The following BICD1 variants were observed in gnomAD, a reference collection of about 807,000 sequenced individuals.
BICD1 encodes BICD cargo adaptor 1.
BICD1 carries 35 observed loss-of-function variants against 92.5 expected under a neutral mutation model. That is an observed-to-expected ratio of 0.38 (90% confidence interval 0.29 to 0.50). BICD1 has a LOEUF of 0.50. Ranked by LOEUF, BICD1 falls within the 20% of genes least tolerant of loss-of-function variation. The pLI, the probability that BICD1 is intolerant of heterozygous loss-of-function variation, is 0.93. For synonymous variants in BICD1, 429 were observed against 465.1 expected, an observed-to-expected ratio of 0.92 and a Z score of 1.00; for missense variants, 950 against 1,189.8, an observed-to-expected ratio of 0.80 and a Z score of 2.97.
At chr12:32,361,412 G>C (rs1011329050) in intron 8 of BICD1, among the ~76,000 whole-genome samples, 1 of 151,912 alleles carries the variant, frequency 6.6e-6, no homozygotes, top group Non-Finnish European at 1.5e-5. Context: ...AATTAGCCAG[G>C]CATGGCAGCA....
At chr12:32,117,735 C>CACATAT (rs1268394426) in intron 1 of BICD1, among the ~76,000 whole-genome samples, 6 of 134,518 alleles carry the variant, frequency 4.5e-5, no homozygotes, top group Non-Finnish European at 9.4e-5. Flanking sequence ...CACACACACA[C>CACATAT]ATATATATAT....
At chr12:32,150,715 T>C (rs922807616) in intron 1 of BICD1, among the ~76,000 whole-genome samples, 3 of 152,108 alleles carry the variant, frequency 2.0e-5, no homozygotes, top group Admixed American at 2.0e-4. Flanking sequence ...AGTGCAGACC[T>C]GCACAACCTG....
chr12:32,191,840 A>G (rs1944577976), intron 1 of BICD1, among the ~76,000 whole-genome samples: 1 of 151,934 alleles, frequency 6.6e-6, no homozygotes, highest in Non-Finnish European at 1.5e-5. Context: ...TCTGACTACT[A>G]CAGTGTGGGC....
chr12:32,275,718 T>C (rs1175462764), intron 2 of BICD1, among the ~76,000 whole-genome samples: 1 of 150,780 alleles, frequency 6.6e-6, no homozygotes, highest in Non-Finnish European at 1.5e-5. Flanking sequence ...TCCCTCCAGA[T>C]CCGGCAGGGT....
At chr12:32,259,909 T>C (rs567354379) in intron 2 of BICD1, among the ~76,000 whole-genome samples, 1 of 151,564 alleles carries the variant, frequency 6.6e-6, no homozygotes, top group Non-Finnish European at 1.5e-5. Flanking sequence ...TCAACACATA[T>C]ATATACACTA....
At chr12:32,308,148 G>T (rs1463360548) in intron 4 of BICD1, among the ~76,000 whole-genome samples, 1 of 152,244 alleles carries the variant, frequency 6.6e-6, no homozygotes, top group Non-Finnish European at 1.5e-5. Context: ...TGGAAAACAA[G>T]TAAGTACTCA....
chr12:32,276,447 A>G (rs1262232056), intron 2 of BICD1, among the ~76,000 whole-genome samples: 1 of 152,220 alleles, frequency 6.6e-6, no homozygotes, highest in Non-Finnish European at 1.5e-5. Context: ...GGGGCTTGCA[A>G]CTTAGCTCAC....
intron 8 of BICD1, chr12:32,340,418 G>C: frequency 3.0e-6 from 3 of 985,378 alleles, no homozygotes; most frequent in South Asian, 9.4e-5. Flanking sequence ...AAGTGGTAAT[G>C]ATTTATCAGG....
chr12:32,303,198 A>G (rs1380023975), intron 3 of BICD1, among the ~76,000 whole-genome samples: 1 of 151,906 alleles, frequency 6.6e-6, no homozygotes, highest in Non-Finnish European at 1.5e-5. Context: ...CAGGCCTGAG[A>G]TTACAGGTGC....
chr12:32,233,631 G>C (rs1170132584), intron 2 of BICD1, among the ~76,000 whole-genome samples: 1 of 138,400 alleles, frequency 7.2e-6, no homozygotes, highest in East Asian at 2.5e-4. Context: ...TAAGAATAAA[G>C]ATCTGTGCAC....
intron 1 of BICD1, among the ~76,000 whole-genome samples, chr12:32,173,511 G>C (rs1313269995): frequency 6.6e-6 from 1 of 152,136 alleles, no homozygotes; most frequent in Non-Finnish European, 1.5e-5. Context: ...CTATCTATGA[G>C]AGCTGTAGCT....
Position 32,338,849 on chromosome 12 carries a change from G to T in BICD1, c.2634G>T (p.Gln878His). 6.2e-7 allele frequency: 1 copy of T among 1,605,526 alleles called. No individual in the cohort carries two copies. The highest frequency in any genetic ancestry group is 8.5e-7 in the Non-Finnish European group (1 of 1,176,428). ...RPRTSGASYL[Q>H]NLLRVPPDPT... is the part of the protein sequence containing the mutation. ...GGACTTCAGGGGCTTCCTACCTACA[G>T]AATTTATTAAGAGTTCCCCCTGATC... Residue 878 changes from glutamine (Q) to histidine (H), a missense_variant, in exon 8 of 10, where the codon CAG (glutamine) becomes CAT (histidine). By Grantham distance (24) the Gln-to-His change is conservative (BLOSUM62 0). Coordinates refer to ENST00000652176, the MANE Select transcript of BICD1 (RefSeq NM_001714.4).
chr12:32,205,883 A>C (rs77742877), intron 1 of BICD1, among the ~76,000 whole-genome samples: 6,198 of 151,626 alleles, frequency 0.041, 181 homozygotes, highest in Non-Finnish European at 0.058. Context: ...CCCCAGTGCA[A>C]CCACTCATCT....
intron 2 of BICD1, among the ~76,000 whole-genome samples, chr12:32,229,791 A>G (rs1200281950): frequency 6.6e-6 from 1 of 152,180 alleles, no homozygotes; most frequent in East Asian, 1.9e-4. Flanking sequence ...GTTGGGTTTT[A>G]TTCCTTTTTA....
chr12:32,230,130 G>A (rs1945831893), intron 2 of BICD1, among the ~76,000 whole-genome samples: 1 of 152,144 alleles, frequency 6.6e-6, no homozygotes, highest in African/African-American at 2.4e-5. Flanking sequence ...AGGGAAGGTA[G>A]GGGAGGGGCT....
At chr12:32,316,952 T>A (rs1197993437) in intron 4 of BICD1, among the ~76,000 whole-genome samples, 1 of 152,100 alleles carries the variant, frequency 6.6e-6, no homozygotes, top group African/African-American at 2.4e-5. Flanking sequence ...GAGAACATGC[T>A]GTGTTTGGTT....
chr12:32,283,359 A>ACCACT (rs10672753), intron 2 of BICD1, among the ~76,000 whole-genome samples: 28,517 of 149,440 alleles, frequency 0.19, 2,834 homozygotes, highest in South Asian at 0.29. Context: ...TGGGCATTTG[A>ACCACT]CCACTCCACT....
chr12:32,127,295 C>A (rs1196470356), intron 1 of BICD1, among the ~76,000 whole-genome samples: 1 of 152,032 alleles, frequency 6.6e-6, no homozygotes, highest in Non-Finnish European at 1.5e-5. Flanking sequence ...ATATTTAAAT[C>A]TTTAATTCTC....
chr12:32,231,025 A>G (rs571983104), intron 2 of BICD1, among the ~76,000 whole-genome samples: 11 of 152,334 alleles, frequency 7.2e-5, no homozygotes, highest in African/African-American at 2.6e-4. Flanking sequence ...GTGATATTAT[A>G]TTTGTCAATG....
Sources: allele counts gnomAD v4.1 joint callset (sites outside exome capture counted in the v4.1 genomes callset), GRCh38; gene constraint gnomAD v4.1.1; transcripts MANE v1.5; gene names NCBI Gene and HGNC (gene_info 2026-07-23, HGNC 2026-07-21).